Variants in ZNF804B observed in about 807,000 individuals in gnomAD.
The protein encoded by ZNF804B is zinc finger protein 804B.
ZNF804B carries 80 observed loss-of-function variants against 101.4 expected under a neutral mutation model. The ratio of observed to expected loss-of-function variants is 0.79; its 90% CI spans 0.66 to 0.95. The LOEUF is 0.95. Among genes scored for constraint, ZNF804B ranks in the 40% least tolerant of loss-of-function variants. ZNF804B has a pLI of 0.00. For missense variants in ZNF804B, 1,673 were observed against 1,561.9 expected, an observed-to-expected ratio of 1.07 and a Z score of -1.20; for synonymous variants, 622 against 558.8, an observed-to-expected ratio of 1.11 and a Z score of -1.59.
At chr7:88,933,270 C>G (rs920410646) in intron 1 of ZNF804B, among the ~76,000 whole-genome samples, 2 of 151,404 alleles carry the variant, frequency 1.3e-5, no homozygotes, top group Admixed American at 1.3e-4. Context: ...AAACCTCAAC[C>G]AAATAGACAT....
At chr7:88,933,719 C>G (rs1054898920) in intron 1 of ZNF804B, among the ~76,000 whole-genome samples, 8 of 151,746 alleles carry the variant, frequency 5.3e-5, no homozygotes, top group East Asian at 3.9e-4. Flanking sequence ...GTTGAAAGAT[C>G]TTTACGATGA....
At chr7:89,331,953 A>T (rs537290233) in intron 3 of ZNF804B, among the ~76,000 whole-genome samples, 36 of 151,588 alleles carry the variant, frequency 2.4e-4, no homozygotes, top group African/African-American at 8.2e-4. Flanking sequence ...ATTCACCCAA[A>T]TTAATCAACC....
chr7:89,008,327 A>T lies in ZNF804B; in HGVS notation c.109-209828A>T, dbSNP rs117752698. Among the ~76,000 whole-genome samples, 829 of 152,130 alleles carry T rather than the reference A, an allele frequency of 5.4e-3. 7 individuals carry two copies. Among genetic ancestry groups the T allele is most frequent in the South Asian group, 0.031 (150 of 4,818 alleles). On this transcript the variant is annotated intron_variant, in intron 1 of 3. Transcript: ENST00000333190. ...GTCCTACTCTGAATCATATAAAGTT[A>T]ATCTGTGAGCACCCAAAAAAAACAG...
chr7:89,010,756 C>A (rs1004018865), intron 1 of ZNF804B, among the ~76,000 whole-genome samples: 4 of 152,092 alleles, frequency 2.6e-5, no homozygotes, highest in African/African-American at 7.2e-5. Context: ...CATTATAAAG[C>A]AAACATTATT....
rs1057158917 is a variant in ZNF804B at position 88,940,819 on chromosome 7, C to T, written c.108+180735C>T. 2.4e-5 allele frequency among the ~76,000 whole-genome samples: 3 copies of T among 126,296 alleles called. No homozygotes were observed. In the East Asian group the frequency reaches 7.2e-4, roughly 30 times the overall value. 82.9% of individuals were successfully genotyped at this position (126,296 alleles called of 152,430 possible). A position where few individuals can be genotyped will look rare whatever the true frequency, so the allele number is the denominator to read the frequency against. ...ATAATAATAATAATAGAATGTATCT[C>T]AAGACAATGAGAAGAAAACCTACAT... On this transcript the variant is annotated intron_variant, in intron 1 of 3. Coordinates refer to ENST00000333190, the MANE Select transcript of ZNF804B (RefSeq NM_181646.5).
At chr7:88,950,027 G>A (rs1793193803) in intron 1 of ZNF804B, among the ~76,000 whole-genome samples, 1 of 151,890 alleles carries the variant, frequency 6.6e-6, no homozygotes, top group Non-Finnish European at 1.5e-5. Context: ...ATATAGACAT[G>A]CAATTTATTT....
At chr7:89,092,340 A>G (rs1247292685) in intron 1 of ZNF804B, among the ~76,000 whole-genome samples, 1 of 151,178 alleles carries the variant, frequency 6.6e-6, no homozygotes, top group Non-Finnish European at 1.5e-5. Flanking sequence ...ACACATTCAG[A>G]CGATAGCATC....
intron 2 of ZNF804B, among the ~76,000 whole-genome samples, chr7:89,222,526 A>G (rs900403623): frequency 2.0e-5 from 3 of 151,950 alleles, no homozygotes; most frequent in Non-Finnish European, 2.9e-5. Flanking sequence ...ACTGCTTATC[A>G]TGCTATTCAA....
intron 1 of ZNF804B, among the ~76,000 whole-genome samples, chr7:88,893,059 T>A (rs1792235903): frequency 6.6e-6 from 1 of 152,274 alleles, no homozygotes; most frequent in African/African-American, 2.4e-5. Flanking sequence ...GTTTTAAATT[T>A]AACCTATTTG....
intron 1 of ZNF804B, among the ~76,000 whole-genome samples, chr7:88,797,214 T>C (rs957451354): frequency 9.4e-6 from 1 of 106,212 alleles, no homozygotes; most frequent in Non-Finnish European, 2.0e-5. Context: ...CTATTCTTTT[T>C]ACTAAGTCTT....
chr7:88,984,573 T>C (rs1481517247), intron 1 of ZNF804B, among the ~76,000 whole-genome samples: 3 of 152,006 alleles, frequency 2.0e-5, no homozygotes, highest in Non-Finnish European at 4.4e-5. Flanking sequence ...TGAATAGCCC[T>C]TTTTTCTCTG....
At chr7:89,109,051 A>G (rs1473827818) in intron 1 of ZNF804B, among the ~76,000 whole-genome samples, 1 of 152,146 alleles carries the variant, frequency 6.6e-6, no homozygotes, top group East Asian at 1.9e-4. Flanking sequence ...GAAGTAAATC[A>G]TGTTTGGGTA....
intron 1 of ZNF804B, among the ~76,000 whole-genome samples, chr7:88,918,817 C>T (rs1249116952): frequency 6.6e-6 from 1 of 152,062 alleles, no homozygotes; most frequent in Non-Finnish European, 1.5e-5. Flanking sequence ...TAAAATGACT[C>T]AGCAGTTCCC....
At chr7:89,035,649 C>T (rs1788914374) in intron 1 of ZNF804B, among the ~76,000 whole-genome samples, 1 of 151,554 alleles carries the variant, frequency 6.6e-6, no homozygotes, top group South Asian at 2.1e-4. Context: ...GATCAATTAA[C>T]AATCAATTAG....
intron 2 of ZNF804B, among the ~76,000 whole-genome samples, chr7:89,233,971 A>G (rs1384536351): frequency 2.0e-5 from 3 of 152,240 alleles, no homozygotes; most frequent in African/African-American, 7.2e-5. Flanking sequence ...GCATAGAGTA[A>G]AAGCCTTAGC....
chr7:89,194,106 G>C (rs946319119), intron 1 of ZNF804B, among the ~76,000 whole-genome samples: 3 of 151,688 alleles, frequency 2.0e-5, no homozygotes, highest in African/African-American at 7.3e-5. Flanking sequence ...CTGCATAAAT[G>C]TCTTCTTTTC....
chr7:88,827,961 C>T (rs756052443), intron 1 of ZNF804B, among the ~76,000 whole-genome samples: 5 of 152,026 alleles, frequency 3.3e-5, no homozygotes, highest in Non-Finnish European at 5.9e-5. Context: ...TTGTAATTGC[C>T]TCCTAATTAT....
chr7:88,839,067 T>C (rs1473614161), intron 1 of ZNF804B, among the ~76,000 whole-genome samples: 1 of 152,034 alleles, frequency 6.6e-6, no homozygotes, highest in Non-Finnish European at 1.5e-5. Context: ...ATCACAACTC[T>C]CAATTTGTTA....
intron 1 of ZNF804B, among the ~76,000 whole-genome samples, chr7:88,962,902 T>G (rs1793408810): frequency 6.6e-6 from 1 of 150,714 alleles, no homozygotes; most frequent in South Asian, 2.1e-4. Flanking sequence ...ACAGCCACTT[T>G]TATTTTTATA....
Sources: allele counts gnomAD v4.1 joint callset (sites outside exome capture counted in the v4.1 genomes callset), GRCh38; gene constraint gnomAD v4.1.1; transcripts MANE v1.5; gene names NCBI Gene and HGNC (gene_info 2026-07-23, HGNC 2026-07-21).